The following CNTN5 variants were observed in gnomAD, a reference collection of about 807,000 sequenced individuals.
CNTN5 encodes contactin 5.
CNTN5 carries 77 observed loss-of-function variants against 129.1 expected under a neutral mutation model. The ratio of observed to expected loss-of-function variants is 0.60; its 90% CI spans 0.50 to 0.72. The LOEUF (loss-of-function observed/expected upper bound fraction) is 0.72. Ranked by LOEUF, CNTN5 falls within the 30% of genes least tolerant of loss-of-function variation. The pLI, the probability that CNTN5 is intolerant of heterozygous loss-of-function variation, is 0.00. For missense variants in CNTN5, 1,478 were observed against 1,328.8 expected (o/e 1.11, Z -1.75); for synonymous variants, 509 against 465.6 (o/e 1.09, Z -1.20).
intron 3 of CNTN5, among the ~76,000 whole-genome samples, chr11:99,666,237 G>A (rs1294798937): frequency 3.3e-5 from 5 of 152,094 alleles, no homozygotes; most frequent in African/African-American, 4.8e-5. Flanking sequence ...CGAAGTGCTT[G>A]GATTATAGGC....
At chr11:99,831,462 G>T (rs995384119) in intron 4 of CNTN5, among the ~76,000 whole-genome samples, 1 of 152,144 alleles carries the variant, frequency 6.6e-6, no homozygotes, top group African/African-American at 2.4e-5. Context: ...AGAAGAATTT[G>T]GCCCTTTCTG....
intron 3 of CNTN5, among the ~76,000 whole-genome samples, chr11:99,664,463 A>AT (rs1273273258): frequency 6.6e-6 from 1 of 152,168 alleles, no homozygotes; most frequent in African/African-American, 2.4e-5. Context: ...GGGTGCAAGG[A>AT]AAACCTGGAC....
intron 13 of CNTN5, among the ~76,000 whole-genome samples, chr11:100,175,694 C>T (rs903875539): frequency 6.6e-6 from 1 of 152,046 alleles, no homozygotes; most frequent in Non-Finnish European, 1.5e-5. Context: ...TAACCTTGAA[C>T]AAGGTAGTAA....
At chr11:100,088,552 C>A (rs1049452967) in intron 13 of CNTN5, among the ~76,000 whole-genome samples, 1 of 151,648 alleles carries the variant, frequency 6.6e-6, no homozygotes, top group Non-Finnish European at 1.5e-5. Flanking sequence ...TGACAAAGGT[C>A]ACATTACAAC....
At chr11:99,170,025 T>C (rs575451525) in intron 1 of CNTN5, among the ~76,000 whole-genome samples, 1 of 152,178 alleles carries the variant, frequency 6.6e-6, no homozygotes, top group Non-Finnish European at 1.5e-5. Context: ...GTTTTCCAGA[T>C]GGTAATCACT....
At chr11:99,586,511 G>A (rs187339125) in intron 3 of CNTN5, among the ~76,000 whole-genome samples, 33 of 152,162 alleles carry the variant, frequency 2.2e-4, no homozygotes, top group African/African-American at 7.2e-4. Context: ...TGAAATGCCC[G>A]CAGTCTTTGC....
chr11:100,355,534 C>G (rs1377417299), intron 24 of CNTN5, among the ~76,000 whole-genome samples: 1 of 151,770 alleles, frequency 6.6e-6, no homozygotes, highest in Non-Finnish European at 1.5e-5. Context: ...CAATTAAGTA[C>G]TGTACATTAT....
chr11:100,008,062 A>G (rs992083381), intron 9 of CNTN5, among the ~76,000 whole-genome samples: 1 of 152,086 alleles, frequency 6.6e-6, no homozygotes, highest in Admixed American at 6.6e-5. Context: ...CAGAACACAT[A>G]CATTTATTAT....
intron 3 of CNTN5, among the ~76,000 whole-genome samples, chr11:99,750,360 C>T (rs1231176707): frequency 6.6e-6 from 1 of 151,932 alleles, no homozygotes; most frequent in African/African-American, 2.4e-5. Flanking sequence ...AGTCTTATAC[C>T]TCAACTACTA....
intron 1 of CNTN5, chr11:99,049,513 G>A (rs762293787): frequency 6.6e-5 from 10 of 152,150 alleles, no homozygotes; most frequent in East Asian, 3.9e-4. Flanking sequence ...ATAAATAAAC[G>A]TTTAAAAAAT....
chr11:99,615,981 A>G (rs955167438), intron 3 of CNTN5, among the ~76,000 whole-genome samples: 6 of 151,520 alleles, frequency 4.0e-5, no homozygotes, highest in Admixed American at 3.3e-4. Context: ...AGTAATTTGC[A>G]CTCCTCGGCC....
intron 1 of CNTN5, among the ~76,000 whole-genome samples, chr11:99,140,069 T>C (rs1412977431): frequency 2.0e-5 from 3 of 152,164 alleles, no homozygotes; most frequent in Admixed American, 1.3e-4. Flanking sequence ...AAAGGCCTAA[T>C]TAAGTAAATA....
chr11:99,177,115 A>T (rs1857813858), intron 1 of CNTN5, among the ~76,000 whole-genome samples: 1 of 141,072 alleles, frequency 7.1e-6, no homozygotes, highest in East Asian at 2.2e-4. Context: ...CTTACCATGG[A>T]TTCTTCATGG....
chr11:99,184,749 G>C (rs1858253749), intron 1 of CNTN5, among the ~76,000 whole-genome samples: 1 of 152,012 alleles, frequency 6.6e-6, no homozygotes, highest in African/African-American at 2.4e-5. Context: ...ATTTTTTTGT[G>C]TGTGTAATGA....
chr11:99,932,575 G>T (rs1950217564), intron 7 of CNTN5, among the ~76,000 whole-genome samples: 1 of 152,088 alleles, frequency 6.6e-6, no homozygotes. Flanking sequence ...GGGTCAGAAG[G>T]ATTCAATTTT....
intron 2 of CNTN5, among the ~76,000 whole-genome samples, chr11:99,504,624 T>C (rs1946550972): frequency 6.6e-6 from 1 of 152,128 alleles, no homozygotes; most frequent in Admixed American, 6.6e-5. Context: ...ATATTTCTAC[T>C]CTTGTTGTGG....
At chr11:99,623,656 G>A (rs1214778891) in intron 3 of CNTN5, among the ~76,000 whole-genome samples, 1 of 150,904 alleles carries the variant, frequency 6.6e-6, no homozygotes, top group African/African-American at 2.4e-5. Context: ...TTGAGAAAAG[G>A]GAGGCATAGT....
chr11:99,616,739 C>T (rs1016359621), intron 3 of CNTN5, among the ~76,000 whole-genome samples: 4 of 152,218 alleles, frequency 2.6e-5, no homozygotes, highest in African/African-American at 4.8e-5. Flanking sequence ...ATGATGACTA[C>T]ATGGGAGGTA....
chr11:100,067,455 AC>A (rs1943740560), intron 10 of CNTN5, among the ~76,000 whole-genome samples: 1 of 147,136 alleles, frequency 6.8e-6, no homozygotes, highest in Admixed American at 7.0e-5. Context: ...AAGTGACATC[AC>A]CAAGTTATGC....
Sources: allele counts gnomAD v4.1 joint callset (sites outside exome capture counted in the v4.1 genomes callset), GRCh38; gene constraint gnomAD v4.1.1; transcripts MANE v1.5; gene names NCBI Gene and HGNC (gene_info 2026-07-23, HGNC 2026-07-21).